Variants in ARHGAP15 observed in about 807,000 individuals in gnomAD.
ARHGAP15 encodes Rho GTPase activating protein 15.
A neutral mutation model predicts 63.7 loss-of-function variants in ARHGAP15; 51 were observed. The ratio of observed to expected loss-of-function variants is 0.80; its 90% CI spans 0.64 to 1.01. The LOEUF is 1.01. ARHGAP15 is among the 50% of genes least tolerant of loss of function. The pLI, the probability that ARHGAP15 is intolerant of heterozygous loss-of-function variation, is 0.00. For missense variants in ARHGAP15, 560 were observed against 564.6 expected, an observed-to-expected ratio of 0.99 and a Z score of 0.08; for synonymous variants, 191 against 193.8, an observed-to-expected ratio of 0.99 and a Z score of 0.12.
intron 6 of ARHGAP15, among the ~76,000 whole-genome samples, chr2:143,407,987 G>GTATGTATATATATA (rs1553475720): frequency 6.5e-5 from 5 of 77,450 alleles, no homozygotes; most frequent in Non-Finnish European, 1.4e-4. Context: ...TTCTGTGTGT[G>GTATGTATATATATA]TATATATATA....
intron 1 of ARHGAP15, among the ~76,000 whole-genome samples, chr2:143,144,738 A>G (rs550594337): frequency 9.1e-4 from 139 of 152,076 alleles, no homozygotes; most frequent in Non-Finnish European, 1.8e-3. Flanking sequence ...ACTATTGCCC[A>G]TACCCCTACC....
rs186960262 is a variant in ARHGAP15 at position 143,395,518 on chromosome 2, C to G, written c.475-40083C>G. On this transcript the variant is annotated intron_variant, in intron 6 of 13. Coordinates refer to ENST00000295095, the MANE Select transcript of ARHGAP15 (RefSeq NM_018460.4). The stretch of plus-strand genomic sequence containing the variant: ...TACAATGGGAACACACACATAGTTA[C>G]CTATAGAAGATGTTCTTGTGATATA... Among the ~76,000 whole-genome samples the G allele has an allele frequency of 1.4e-3, 208 of 152,146 alleles. 1 individual carries two copies. Among genetic ancestry groups the G allele is most frequent in the African/African-American group, 4.8e-3 (201 of 41,526 alleles).
chr2:143,441,078 G>A (rs1396344357), intron 8 of ARHGAP15, among the ~76,000 whole-genome samples: 5 of 152,058 alleles, frequency 3.3e-5, no homozygotes. Context: ...TTAGCTCATA[G>A]CAGGCACTCA....
chr2:143,139,612 T>C (rs1689280156), intron 1 of ARHGAP15, among the ~76,000 whole-genome samples: 2 of 152,146 alleles, frequency 1.3e-5, no homozygotes, highest in East Asian at 1.9e-4. Flanking sequence ...TTTTACTTGG[T>C]AATTCTAGAA....
At chr2:143,716,698 A>G (rs1053524031) in intron 13 of ARHGAP15, among the ~76,000 whole-genome samples, 1 of 152,250 alleles carries the variant, frequency 6.6e-6, no homozygotes, top group African/African-American at 2.4e-5. Context: ...CCTGATTTCC[A>G]GTCCACTAAA....
At chr2:143,299,799 G>A (rs1682814327) in intron 6 of ARHGAP15, among the ~76,000 whole-genome samples, 1 of 151,954 alleles carries the variant, frequency 6.6e-6, no homozygotes, top group African/African-American at 2.4e-5. Context: ...AATTTAAATT[G>A]TTTTACCATG....
intron 3 of ARHGAP15, among the ~76,000 whole-genome samples, chr2:143,202,651 C>A (rs1692166816): frequency 6.6e-6 from 1 of 152,050 alleles, no homozygotes; most frequent in Non-Finnish European, 1.5e-5. Flanking sequence ...TTGCCACATT[C>A]TTTTGGTTAA....
intron 12 of ARHGAP15, among the ~76,000 whole-genome samples, chr2:143,687,021 G>C (rs1167635474): frequency 6.6e-6 from 1 of 152,152 alleles, no homozygotes; most frequent in African/African-American, 2.4e-5. Flanking sequence ...CAACTGTCTG[G>C]ACTAGTTGAT....
At chr2:143,442,932 C>T (rs548036853) in intron 8 of ARHGAP15, among the ~76,000 whole-genome samples, 22 of 152,208 alleles carry the variant, frequency 1.4e-4, no homozygotes, top group African/African-American at 2.9e-4. Flanking sequence ...TACATTAAGA[C>T]CTCTTTACAT....
At chr2:143,316,301 A>G (rs1431822127) in intron 6 of ARHGAP15, among the ~76,000 whole-genome samples, 6 of 151,762 alleles carry the variant, frequency 4.0e-5, no homozygotes, top group Non-Finnish European at 1.5e-5. Context: ...TTTGTTAGAA[A>G]TGCAGAATTT....
chr2:143,155,817 T>C (rs908069893), intron 2 of ARHGAP15, among the ~76,000 whole-genome samples, 162 bp downstream of exon 2: 5 of 151,872 alleles, frequency 3.3e-5, no homozygotes, highest in Admixed American at 1.3e-4. Context: ...CATGATAATA[T>C]CCCCAGTTGC....
intron 8 of ARHGAP15, among the ~76,000 whole-genome samples, chr2:143,486,216 C>T (rs549639259): frequency 1.6e-4 from 24 of 152,136 alleles, no homozygotes; most frequent in African/African-American, 4.3e-4. Flanking sequence ...GGCAGTGGAG[C>T]GTTCAGTTAA....
intron 6 of ARHGAP15, among the ~76,000 whole-genome samples, chr2:143,335,592 T>C (rs1013533634): frequency 2.0e-5 from 3 of 152,150 alleles, no homozygotes; most frequent in Non-Finnish European, 4.4e-5. Flanking sequence ...TTATTGGAAC[T>C]CTTCTATTCA....
chr2:143,313,976 GTT>G (rs1332401521), intron 6 of ARHGAP15, among the ~76,000 whole-genome samples: 1 of 147,072 alleles, frequency 6.8e-6, no homozygotes, highest in East Asian at 2.0e-4. Context: ...TTCTTGTTTT[GTT>G]TTTTGTTTTT....
chr2:143,203,599 T>TCCCCTG (rs1692211717), intron 3 of ARHGAP15, among the ~76,000 whole-genome samples: 1 of 152,010 alleles, frequency 6.6e-6, no homozygotes, highest in Non-Finnish European at 1.5e-5. Flanking sequence ...ATGTAACAAA[T>TCCCCTG]AAGCACATAT....
intron 8 of ARHGAP15, among the ~76,000 whole-genome samples, chr2:143,444,293 CAAAAG>C: frequency 6.6e-6 from 1 of 151,700 alleles, no homozygotes; most frequent in Admixed American, 6.5e-5. Context: ...TGATTGTAAA[CAAAAG>C]AAAAAAAAAG....
chr2:143,336,256 G>A (rs1295881288), intron 6 of ARHGAP15, among the ~76,000 whole-genome samples: 1 of 152,118 alleles, frequency 6.6e-6, no homozygotes, highest in African/African-American at 2.4e-5. Flanking sequence ...AAACTTGGAT[G>A]TTTTTCCCTG....
intron 8 of ARHGAP15, chr2:143,480,655 A>G (rs1251885479): frequency 6.6e-6 from 1 of 152,320 alleles, no homozygotes; most frequent in Non-Finnish European, 1.5e-5. Flanking sequence ...GTTTGAAATT[A>G]TGACTTCTAT....
chr2:143,509,143 G>A lies in ARHGAP15; in HGVS notation c.827-10123G>A, dbSNP rs142432704. ...CCTCTTCCCCCAGGCTAGTCTCTCC[G>A]TAGCAGATATTGTCATTATCACCAG... On this transcript the variant is annotated intron_variant, in intron 9 of 13. Transcript: ENST00000295095. Among the ~76,000 whole-genome samples, 428 of 152,264 alleles carry A rather than the reference G, an allele frequency of 2.8e-3. 1 individual carries two copies. The highest frequency in any genetic ancestry group is 4.6e-3 in the Admixed American group (70 of 15,294).
Sources: gnomAD v4.1 joint callset for allele counts (sites outside exome capture counted in the v4.1 genomes callset) on GRCh38, gnomAD v4.1.1 for gene constraint, MANE v1.5 for transcripts, NCBI Gene and HGNC (gene_info 2026-07-23, HGNC 2026-07-21) for gene names.